ZBTB20: variants seen among roughly 807,000 people sequenced by gnomAD.
The protein encoded by ZBTB20 is zinc finger and BTB domain-containing protein 20.
A neutral mutation model predicts 56.9 loss-of-function variants in ZBTB20; 9 were observed. That is an observed-to-expected ratio of 0.16 (90% CI 0.10 to 0.28). The LOEUF is 0.28. Ranked by LOEUF, ZBTB20 falls within the 10% of genes least tolerant of loss-of-function variation. The probability of loss-of-function intolerance (pLI) is 1.00; values close to 1 mark genes in which losing one functional copy is unlikely to be tolerated. For synonymous variants in ZBTB20, 417 were observed against 420.7 expected, an observed-to-expected ratio of 0.99 and a Z score of 0.11; for missense variants, 655 against 1,003.0, an observed-to-expected ratio of 0.65 and a Z score of 4.69.
chr3:114,320,346 C>T lies in ZBTB20; in HGVS notation c.*18659G>A, dbSNP rs564573634. The T allele has an allele frequency of 3.3e-5, 5 of 152,058 alleles. No homozygotes were observed. The highest frequency in any genetic ancestry group is 1.2e-4 in the African/African-American group (5 of 41,398). The allele number at this position is 152,058 out of a possible 1,614,324, so 9.4% of individuals were successfully genotyped here. On this transcript the variant is annotated 3_prime_UTR_variant, in exon 12 of 12. Coordinates refer to ENST00000675478, the MANE Select transcript of ZBTB20 (RefSeq NM_001348800.3). ...ATTTTAAATTAAAAGAAGAAATAAA[C>T]GTTTCCCCCCATCTTTCTAAAGGAA...
chr3:114,526,382 C>G (rs990617531), intron 6 of ZBTB20, among the ~76,000 whole-genome samples: 3 of 152,264 alleles, frequency 2.0e-5, no homozygotes, highest in Admixed American at 2.0e-4. Flanking sequence ...GTATCATTCA[C>G]CCATCTGCTT....
At chr3:114,899,849 G>C (rs867282110) in intron 4 of ZBTB20, among the ~76,000 whole-genome samples, 1 of 151,868 alleles carries the variant, frequency 6.6e-6, no homozygotes, top group African/African-American at 2.4e-5. Flanking sequence ...TTTCCCATTC[G>C]TCTAGTGCTT....
chr3:115,023,106 A>G (rs966427946), intron 2 of ZBTB20, among the ~76,000 whole-genome samples: 3 of 150,958 alleles, frequency 2.0e-5, no homozygotes, highest in Non-Finnish European at 3.0e-5. Context: ...ATATAAATAG[A>G]GAGGGAAGAA....
At chr3:114,507,828 T>C (rs140051881) in intron 6 of ZBTB20, among the ~76,000 whole-genome samples, 59 of 152,212 alleles carry the variant, frequency 3.9e-4, no homozygotes, top group African/African-American at 1.3e-3. Context: ...CATTCTACAG[T>C]TTAAAAAGAA....
At chr3:114,964,078 T>C (rs536368276) in intron 3 of ZBTB20, among the ~76,000 whole-genome samples, 62 of 152,250 alleles carry the variant, frequency 4.1e-4, no homozygotes, top group South Asian at 2.5e-3. Flanking sequence ...TACTCCCTTC[T>C]CTCAAGAAGC....
At chr3:114,745,850 T>A (rs2067000874) in intron 5 of ZBTB20, among the ~76,000 whole-genome samples, 1 of 152,144 alleles carries the variant, frequency 6.6e-6, no homozygotes, top group South Asian at 2.1e-4. Context: ...GAATGATTTA[T>A]CACAAAAATT....
At chr3:114,974,135 A>G (rs549473456) in intron 3 of ZBTB20, among the ~76,000 whole-genome samples, 75 of 152,140 alleles carry the variant, frequency 4.9e-4, no homozygotes, top group African/African-American at 1.8e-3. Context: ...AGTTAGAGCA[A>G]CACCTAATTA....
chr3:114,920,014 A>G (rs2075896574), intron 3 of ZBTB20, among the ~76,000 whole-genome samples: 1 of 152,202 alleles, frequency 6.6e-6, no homozygotes, highest in Admixed American at 6.5e-5. Context: ...GTCAAAATCT[A>G]TCAGAAGACA....
chr3:114,920,994 A>T (rs2075936427), intron 3 of ZBTB20, among the ~76,000 whole-genome samples: 1 of 152,258 alleles, frequency 6.6e-6, no homozygotes. Context: ...TTAGTAAAAA[A>T]TAAGTTCCTA....
Position 114,605,351 on chromosome 3 carries a change from G to A in ZBTB20, c.-295+88177C>T, listed in dbSNP as rs562509801. 5.4e-4 allele frequency among the ~76,000 whole-genome samples: 82 copies of A among 152,188 alleles called. 2 individuals are homozygous for A. The highest frequency in any genetic ancestry group is 1.6e-3 in the African/African-American group (68 of 41,526). On this transcript the variant is annotated intron_variant, in intron 6 of 11. Transcript: ENST00000675478. ...AGCTCCTAAATTTCCTATTTCCGTTGTCCCATGACTTTTTGGTAAAAAGAT... is the reference window on the plus strand; with the variant it reads ...AGCTCCTAAATTTCCTATTTCCGTTATCCCATGACTTTTTGGTAAAAAGAT...
At chr3:114,852,561 T>C (rs1467840743) in intron 4 of ZBTB20, among the ~76,000 whole-genome samples, 1 of 152,172 alleles carries the variant, frequency 6.6e-6, no homozygotes, top group African/African-American at 2.4e-5. Flanking sequence ...ACACCGTACC[T>C]GGCCTTGACC....
intron 4 of ZBTB20, among the ~76,000 whole-genome samples, chr3:114,820,842 T>G (rs1371545397): frequency 2.0e-5 from 3 of 152,250 alleles, no homozygotes; most frequent in Non-Finnish European, 2.9e-5. Flanking sequence ...GACTACAGCA[T>G]TCACCCAATG....
At chr3:114,776,126 T>C (rs1221811298) in intron 5 of ZBTB20, among the ~76,000 whole-genome samples, 1 of 151,044 alleles carries the variant, frequency 6.6e-6, no homozygotes, top group Non-Finnish European at 1.5e-5. Context: ...CTGACAGTGC[T>C]AGCGGAAAGG....
intron 1 of ZBTB20, among the ~76,000 whole-genome samples, chr3:115,122,344 G>C (rs1438972430): frequency 6.6e-6 from 1 of 151,888 alleles, no homozygotes; most frequent in Non-Finnish European, 1.5e-5. Flanking sequence ...CCTCCCTATT[G>C]ACTTTTGATT....
rs1560201039 is a variant in ZBTB20 at position 114,747,937 on chromosome 3, AAAAAAAAAAAAAAC to A, written c.-343+53150_-343+53163del. 3.8e-3 allele frequency among the ~76,000 whole-genome samples: 8 copies of A among 2,130 alleles called. 3 individuals are homozygous for A. The Admixed American group carries it at 0.12, about 33-fold the overall frequency. The allele number at this position is 2,130 out of a possible 152,430, so 1.4% of individuals were successfully genotyped here. A position where few individuals can be genotyped will look rare whatever the true frequency, so the allele number is the denominator to read the frequency against. ...GTCTCAAAAAAAAAAAAAAAAAAAA[AAAAAAAAAAAAAAC>A]CAAGATTGAGAGCACAGTTATATAG... On this transcript the variant is annotated intron_variant, in intron 5 of 11. Coordinates refer to ENST00000675478, the MANE Select transcript of ZBTB20 (RefSeq NM_001348800.3).
At chr3:115,035,570 C>CAA (rs1553883121) in intron 2 of ZBTB20, among the ~76,000 whole-genome samples, 3 of 151,400 alleles carry the variant, frequency 2.0e-5, no homozygotes, top group Non-Finnish European at 4.4e-5. Flanking sequence ...CACACACACA[C>CAA]AAAACAAGTT....
chr3:114,532,154 G>T (rs529588483), intron 6 of ZBTB20, among the ~76,000 whole-genome samples: 11 of 152,304 alleles, frequency 7.2e-5, no homozygotes, highest in Non-Finnish European at 1.5e-5. Context: ...CACTACCCTG[G>T]AATGGGGGCT....
intron 4 of ZBTB20, among the ~76,000 whole-genome samples, chr3:114,813,314 ATATT>A (rs149952912): frequency 0.13 from 19,515 of 152,212 alleles, 1,533 homozygotes; most frequent in African/African-American, 0.22. Flanking sequence ...TTCAAAATAA[ATATT>A]TAAACAGATT....
intron 4 of ZBTB20, among the ~76,000 whole-genome samples, chr3:114,834,767 C>T (rs968613125): frequency 8.6e-5 from 13 of 151,954 alleles, no homozygotes; most frequent in Non-Finnish European, 1.9e-4. Flanking sequence ...GCAAGAGTCC[C>T]GTTCTTTGTC....
Sources: allele counts gnomAD v4.1 joint callset (sites outside exome capture counted in the v4.1 genomes callset), GRCh38; gene constraint gnomAD v4.1.1; transcripts MANE v1.5; gene names NCBI Gene and HGNC (gene_info 2026-07-23, HGNC 2026-07-21).